VWA8: variants seen among roughly 807,000 people sequenced by gnomAD.
The protein encoded by VWA8 is von Willebrand factor A domain-containing protein 8.
Under a neutral mutation model 241.5 loss-of-function variants are expected in VWA8, and 221 were observed. The observed-to-expected ratio is 0.91, with a 90% CI of 0.82 to 1.02. The LOEUF is 1.02. Ranked by LOEUF, VWA8 falls within the 50% of genes least tolerant of loss-of-function variation. The pLI is 0.00. For synonymous variants in VWA8, 852 were observed against 827.1 expected (o/e 1.03, Z -0.52); for missense variants, 2,322 against 2,328.7 (o/e 1.00, Z 0.06).
chr13:41,708,384 C>T (rs1024519538), intron 26 of VWA8, among the ~76,000 whole-genome samples: 9 of 151,898 alleles, frequency 5.9e-5, no homozygotes, highest in African/African-American at 1.9e-4. Flanking sequence ...TTTGTATGTA[C>T]TAAAAGAAAA....
chr13:41,865,789 T>C lies in VWA8; in HGVS notation c.1372A>G (p.Lys458Glu). 2 of 1,614,200 alleles carry C rather than the reference T, an allele frequency of 1.2e-6. No individual in the cohort carries two copies. The highest frequency in any genetic ancestry group is 1.7e-4 in the Middle Eastern group (1 of 6,050). The change falls in exon 12 of 45, where the codon AAG becomes GAG. Residue 458 changes from lysine to glutamate, a missense_variant. Physicochemically the swap from Lys to Glu is moderately conservative, Grantham distance 56 (BLOSUM62 1). Transcript: ENST00000379310. Reference sequence around the variant, plus strand: ...TATCCTAAGGTATCGGCAAAGTTCTTAGCGATCACTGTTTTTCCACAACCC... The same window carrying C: ...TATCCTAAGGTATCGGCAAAGTTCTCAGCGATCACTGTTTTTCCACAACCC... ...GKGCGKTVIA[K>E]NFADTLGYNI... is the part of the protein sequence containing the mutation.
chr13:41,605,220 C>G lies in VWA8; in HGVS notation c.4934G>C (p.Gly1645Ala), dbSNP rs776380710. ...GGAGTGCACCTGTCGCCGAACAGCACCTGAAAACCTTTCATAGGTTGCAGC... is the reference window on the plus strand; with the variant it reads ...GGAGTGCACCTGTCGCCGAACAGCAGCTGAAAACCTTTCATAGGTTGCAGC... ...YDAATYERFS[G>A]AVRRQVHSLR... The change falls in exon 40 of 45, where the codon GGT becomes GCT. Residue 1645 changes from glycine (G) to alanine (A), a missense_variant. Gly to Ala is a moderately conservative substitution (Grantham distance 60). Transcript: ENST00000379310. The G allele has an allele frequency of 6.2e-6, 10 of 1,613,084 alleles. No homozygotes were observed. The highest frequency in any genetic ancestry group is 1.6e-4 in the Middle Eastern group (1 of 6,072).
chr13:41,596,224 C>T (rs2044487250), intron 40 of VWA8, among the ~76,000 whole-genome samples: 1 of 152,020 alleles, frequency 6.6e-6, no homozygotes, highest in Non-Finnish European at 1.5e-5. Context: ...CATTAGTTTT[C>T]AAGTATGTAA....
At chr13:41,729,481 T>C in intron 23 of VWA8, 61 bp downstream of exon 23, 1 of 1,472,276 alleles carries the variant, frequency 6.8e-7, no homozygotes, top group South Asian at 1.5e-5. Flanking sequence ...AGTTTGTGAT[T>C]TGATACAGAG....
chr13:41,783,698 G>A, intron 19 of VWA8, 97 bp downstream of exon 19: 4 of 829,140 alleles, frequency 4.8e-6, no homozygotes, highest in East Asian at 2.9e-5. Context: ...TTAAATTTAG[G>A]AAATCACAAA....
chr13:41,709,038 C>T (rs1267575450), intron 26 of VWA8, among the ~76,000 whole-genome samples: 1 of 152,142 alleles, frequency 6.6e-6, no homozygotes, highest in African/African-American at 2.4e-5. Flanking sequence ...CTTTTCTAAT[C>T]GTCCACGACA....
chr13:41,951,114 G>A (rs1878114096), intron 1 of VWA8, among the ~76,000 whole-genome samples: 1 of 152,168 alleles, frequency 6.6e-6, no homozygotes, highest in Non-Finnish European at 1.5e-5. Context: ...TAAAGCCCCA[G>A]TGGCATAAAT....
intron 21 of VWA8, among the ~76,000 whole-genome samples, chr13:41,751,219 T>A (rs2045653886): frequency 6.6e-6 from 1 of 152,046 alleles, no homozygotes; most frequent in Non-Finnish European, 1.5e-5. Context: ...AAGATCTACA[T>A]GGAAAAGTAG....
In VWA8 at chr13:41,689,491, G is replaced by T; in HGVS notation, c.3994C>A (p.Pro1332Thr). 6.2e-7 allele frequency: 1 copy of T among 1,609,658 alleles called. No homozygotes were observed. The highest frequency in any genetic ancestry group is 1.1e-5 in the South Asian group (1 of 90,490). Residue 1332 changes from proline (P) to threonine (T), a missense_variant, in exon 34 of 45, where the codon CCT (proline) becomes ACT (threonine). Transcript: ENST00000379310. ...GVTQETEFSI[P>T]HKISSDQLSS... ...AGTTGATCACTGGAAATTTTATGAG[G>T]TATGCTGAACTCTGTTTCTGAAAAG...
At chr13:41,646,228 A>T (rs942988931) in intron 37 of VWA8, among the ~76,000 whole-genome samples, 1 of 152,072 alleles carries the variant, frequency 6.6e-6, no homozygotes, top group Non-Finnish European at 1.5e-5. Flanking sequence ...TGCCTACCAA[A>T]GTGCTGGGAT....
intron 26 of VWA8, among the ~76,000 whole-genome samples, chr13:41,705,039 A>C (rs182818280): frequency 6.6e-6 from 1 of 152,210 alleles, no homozygotes; most frequent in Non-Finnish European, 1.5e-5. Flanking sequence ...TTTTTTGCAT[A>C]AAATAATGGA....
intron 37 of VWA8, among the ~76,000 whole-genome samples, chr13:41,647,974 G>C (rs1385951178): frequency 6.6e-6 from 1 of 152,054 alleles, no homozygotes; most frequent in Admixed American, 6.5e-5. Flanking sequence ...GGGCGAAGGA[G>C]CGAGACTTTG....
At chr13:41,759,513 T>C (rs1227573371) in intron 21 of VWA8, among the ~76,000 whole-genome samples, 1 of 151,782 alleles carries the variant, frequency 6.6e-6, no homozygotes, top group African/African-American at 2.4e-5. Context: ...TATTTTTCTG[T>C]CCCATTTTTT....
rs145493003 is a variant in VWA8 at position 41,622,684 on chromosome 13, C to T, written c.4612-7600G>A. On this transcript the variant is annotated intron_variant, in intron 37 of 44. Transcript: ENST00000379310. ...GAAAAAACATGGATCTTGTAAATTA[C>T]AACTCATAAAAATGTTCCAGAGTAA... Among the ~76,000 whole-genome samples the T allele has an allele frequency of 3.3e-5, 5 of 152,238 alleles. No individual in the cohort carries two copies. The East Asian group carries it at 9.6e-4, about 29-fold the overall frequency.
At chr13:41,645,493 T>C (rs949065558) in intron 37 of VWA8, among the ~76,000 whole-genome samples, 2 of 152,234 alleles carry the variant, frequency 1.3e-5, no homozygotes, top group African/African-American at 4.8e-5. Flanking sequence ...ACCAAACTGA[T>C]GTTTCCTAAC....
intron 37 of VWA8, among the ~76,000 whole-genome samples, chr13:41,626,082 T>G (rs1203123344): frequency 1.3e-5 from 1 of 75,672 alleles, no homozygotes; most frequent in African/African-American, 5.4e-5. Flanking sequence ...GGGACTGTTG[T>G]GGGGTGGGGG....
intron 20 of VWA8, among the ~76,000 whole-genome samples, chr13:41,773,146 A>T (rs558683936): frequency 7.2e-5 from 11 of 152,374 alleles, no homozygotes; most frequent in African/African-American, 2.4e-4. Context: ...AAAATAAGTT[A>T]TGTGATTAAA....
chr13:41,826,582 C>A (rs551402540), intron 14 of VWA8, among the ~76,000 whole-genome samples: 10 of 152,120 alleles, frequency 6.6e-5, no homozygotes, highest in South Asian at 2.1e-4. Context: ...ATGAAACTGA[C>A]AGAAGGGCCA....
chr13:41,640,400 A>C (rs1477414204), intron 37 of VWA8, among the ~76,000 whole-genome samples: 1 of 152,186 alleles, frequency 6.6e-6, no homozygotes, highest in African/African-American at 2.4e-5. Flanking sequence ...ACTTACATAA[A>C]CCAAGATGCA....
Sources: gnomAD v4.1 joint callset for allele counts (sites outside exome capture counted in the v4.1 genomes callset) on GRCh38, gnomAD v4.1.1 for gene constraint, MANE v1.5 for transcripts, NCBI Gene and HGNC (gene_info 2026-07-23, HGNC 2026-07-21) for gene names.